CALCOCO1: variants seen among roughly 807,000 people sequenced by gnomAD.
CALCOCO1 encodes calcium-binding and coiled-coil domain-containing protein 1.
Under a neutral mutation model 86.3 loss-of-function variants are expected in CALCOCO1, and 44 were observed. The ratio of observed to expected loss-of-function variants is 0.51; its 90% CI spans 0.40 to 0.66. The LOEUF (loss-of-function observed/expected upper bound fraction) is 0.66. CALCOCO1 is among the 30% of genes least tolerant of loss of function. The pLI, the probability that CALCOCO1 is intolerant of heterozygous loss-of-function variation, is 0.00. For synonymous variants in CALCOCO1, 297 were observed against 327.6 expected, an observed-to-expected ratio of 0.91 and a Z score of 1.01; for missense variants, 708 against 851.1, an observed-to-expected ratio of 0.83 and a Z score of 2.09.
In CALCOCO1 at chr12:53,715,602, G is replaced by C. The variant is rs1329757387; in HGVS notation, c.1260+191C>G. 5 of 792,502 alleles carry C rather than the reference G, an allele frequency of 6.3e-6. No homozygotes were observed. The African/African-American group carries it at 8.7e-5, about 14-fold the overall frequency. 49.1% of individuals were successfully genotyped at this position (792,502 alleles called of 1,614,324 possible). The stretch of plus-strand genomic sequence containing the variant: ...GGAAGGTACTCTGGTGATCAGGATT[G>C]GGATACCCCGGTTAGGGATGGGTCA... On this transcript the variant is annotated intron_variant, in intron 9 of 14. Coordinates refer to ENST00000550804, the MANE Select transcript of CALCOCO1 (RefSeq NM_020898.3).
At position 53,715,778 on chromosome 12, in the gene CALCOCO1, C is replaced by T. The variant is rs369753402; in HGVS notation, c.1260+15G>A. On this transcript the variant is annotated intron_variant, in intron 9 of 14. Coordinates refer to ENST00000550804, the MANE Select transcript of CALCOCO1 (RefSeq NM_020898.3). Reference sequence around the variant, plus strand: ...CAGTGGCCATCAGATTGCCAGGTACCCCCCATCCCTCTACCTCCACACTCT... The same window carrying T: ...CAGTGGCCATCAGATTGCCAGGTACTCCCCATCCCTCTACCTCCACACTCT... 5.0e-6 allele frequency: 8 copies of T among 1,608,780 alleles called. No individual in the cohort carries two copies. The highest frequency in any genetic ancestry group is 1.3e-5 in the African/African-American group (1 of 74,874).
At chr12:53,714,090 G>A (rs773566620) in intron 12 of CALCOCO1, 43 bp downstream of exon 12, 62 of 1,488,738 alleles carry the variant, frequency 4.2e-5, no homozygotes, top group Non-Finnish European at 5.8e-5. Context: ...ACAGCGGGAG[G>A]TAGAGTGGGG....
In CALCOCO1 at chr12:53,724,759, C is replaced by A; in HGVS notation, c.157-12G>T. On this transcript the variant is annotated splice_polypyrimidine_tract_variant and intron_variant, in intron 2 of 14. Transcript: ENST00000550804. ...CAGGCAGCCTCCACCTGTGAAAGCC[C>A]AAGGTTGGAGAAAGGTATGGTCATG... 1.2e-6 allele frequency: 2 copies of A among 1,603,984 alleles called. No individual in the cohort carries two copies. The highest frequency in any genetic ancestry group is 2.2e-5 in the East Asian group (1 of 44,672).
Position 53,716,489 on chromosome 12 carries a change from G to A in CALCOCO1, c.850-74C>T, listed in dbSNP as rs1387680871. On this transcript the variant is annotated intron_variant, in intron 7 of 14. Coordinates refer to ENST00000550804, the MANE Select transcript of CALCOCO1 (RefSeq NM_020898.3). ...GGCTCGGGAGGTGAACCATTGTGAT[G>A]AGAGAGGTCAAGGTTCCACTTCTCA... 6 of 1,499,948 alleles carry A rather than the reference G, an allele frequency of 4.0e-6. No individual in the cohort carries two copies. In the African/African-American group the frequency reaches 6.9e-5, roughly 17 times the overall value. The allele number at this position is 1,499,948 out of a possible 1,614,324, so 92.9% of individuals were successfully genotyped here. A position where few individuals can be genotyped will look rare whatever the true frequency, so the allele number is the denominator to read the frequency against.
rs1593072119 is a variant in CALCOCO1 at position 53,711,127 on chromosome 12, T to C, written c.*817A>G. ...TTTGTGACAACAGTCATACATATCA[T>C]ATAAATATATTTGTTCAAACTACAA... On this transcript the variant is annotated 3_prime_UTR_variant, in exon 15 of 15. Transcript: ENST00000550804. 2.5e-6 allele frequency: 1 copy of C among 397,040 alleles called. No homozygotes were observed. The highest frequency in any genetic ancestry group is 2.1e-5 in the African/African-American group (1 of 48,564). The allele number at this position is 397,040 out of a possible 1,614,324, so 24.6% of individuals were successfully genotyped here.
At position 53,724,727 on chromosome 12, in the gene CALCOCO1, C is replaced by T; in HGVS notation, c.177G>A (p.Arg59=). 15 of 1,613,226 alleles carry T rather than the reference C, an allele frequency of 9.3e-6. No homozygotes were observed. Among genetic ancestry groups the T allele is most frequent in the Non-Finnish European group, 1.3e-5 (15 of 1,179,646 alleles). ...GIFKVEAACV[R]DYHTFVWSSV... ...AAGACCACACAAATGTGTGGTAATC[C>T]CGAACACAGGCAGCCTCCACCTGTG... The change falls in exon 3 of 15, where the codon CGG becomes CGA. Residue 59 remains arginine, a synonymous_variant. Transcript: ENST00000550804.
chr12:53,715,484 TGAA>T (rs1237295399), intron 9 of CALCOCO1, among the ~76,000 whole-genome samples, 159 bp from the exon 10 acceptor site: 3 of 152,272 alleles, frequency 2.0e-5, no homozygotes, highest in South Asian at 4.1e-4. Flanking sequence ...ACCCTCTGAA[TGAA>T]GGACAGGACA....
chr12:53,726,558 C>G (rs1946039236), intron 1 of CALCOCO1, among the ~76,000 whole-genome samples: 1 of 152,128 alleles, frequency 6.6e-6, no homozygotes. Flanking sequence ...TGTCACTAGT[C>G]ATATGCACGC....
At chr12:53,727,208 AC>A (rs1946062995) in intron 1 of CALCOCO1, among the ~76,000 whole-genome samples, 195 bp downstream of exon 1, 2 of 151,922 alleles carry the variant, frequency 1.3e-5, no homozygotes, top group African/African-American at 4.8e-5. Flanking sequence ...GGCGCCCCCC[AC>A]CCCCAATCAG....
At chr12:53,722,289 C>A in intron 4 of CALCOCO1, 106 bp from the exon 5 acceptor site, 1 of 1,317,732 alleles carries the variant, frequency 7.6e-7, no homozygotes. Context: ...AGTTACATAG[C>A]TTTGGGTTAT....
At chr12:53,715,585 C>T in intron 9 of CALCOCO1, 1 of 757,888 alleles carries the variant, frequency 1.3e-6, no homozygotes. Flanking sequence ...AAGGAAGGTA[C>T]TCTGGTGATC....
At position 53,709,168 on chromosome 12, in the gene CALCOCO1, C is replaced by T. The variant is rs1945507759; in HGVS notation, c.*2776G>A. On this transcript the variant is annotated 3_prime_UTR_variant, in exon 15 of 15. Coordinates refer to ENST00000550804, the MANE Select transcript of CALCOCO1 (RefSeq NM_020898.3). ...GCCCATTCAGATCTATCGGCTTTTG[C>T]ATGGATGCTGGGGAGCAGGGAGGAA... 6.6e-6 allele frequency: 1 copy of T among 152,194 alleles called. No individual in the cohort carries two copies. Among genetic ancestry groups the T allele is most frequent in the African/African-American group, 2.4e-5 (1 of 41,424 alleles). 9.4% of individuals were successfully genotyped at this position (152,194 alleles called of 1,614,324 possible).
At chr12:53,725,021 A>C in intron 2 of CALCOCO1, 66 bp downstream of exon 2, 1 of 1,475,236 alleles carries the variant, frequency 6.8e-7, no homozygotes, top group African/African-American at 1.4e-5. Context: ...CAAGAGCCCA[A>C]TCATTCCCCT....
chr12:53,724,945 A>G, intron 2 of CALCOCO1, 142 bp downstream of exon 2: 3 of 977,860 alleles, frequency 3.1e-6, no homozygotes. Flanking sequence ...CTTTGGTTAT[A>G]CAGGCGGCCT....
At position 53,723,796 on chromosome 12, in the gene CALCOCO1, G is replaced by A. The variant is rs1423100781; in HGVS notation, c.260-13C>T. ...GGCAGGTAGCTGGCTGTGGGAAGAA[G>A]AATGGACCCAGGACCCCAATAATCC... On this transcript the variant is annotated splice_polypyrimidine_tract_variant and intron_variant, in intron 3 of 14. Coordinates refer to ENST00000550804, the MANE Select transcript of CALCOCO1 (RefSeq NM_020898.3). The A allele has an allele frequency of 3.1e-6, 5 of 1,610,040 alleles. No individual in the cohort carries two copies. The highest frequency in any genetic ancestry group is 2.2e-5 in the East Asian group (1 of 44,784).
rs1233339407 is a variant in CALCOCO1, at chr12:53,715,941, G to T, written c.1112C>A (p.Ala371Glu). 1 of 1,614,082 alleles carries T rather than the reference G, an allele frequency of 6.2e-7. No homozygotes were observed. Residue 371 changes from alanine to glutamate, a missense_variant, in exon 9 of 15, where the codon GCA becomes GAA. Coordinates refer to ENST00000550804, the MANE Select transcript of CALCOCO1 (RefSeq NM_020898.3). ...LLGEELASAA[A>E]ARDRTIAELH... Reference sequence around the variant, plus strand: ...TTCGGCTATGGTGCGGTCCCTGGCTGCTGCTGCACTGGCCAACTCCTCCCC... The same window carrying T: ...TTCGGCTATGGTGCGGTCCCTGGCTTCTGCTGCACTGGCCAACTCCTCCCC...
At chr12:53,721,814 T>A (rs1476018622) in intron 5 of CALCOCO1, 199 bp from the exon 6 acceptor site, 18 of 799,440 alleles carry the variant, frequency 2.3e-5, no homozygotes, top group Non-Finnish European at 3.4e-5. Context: ...AGCATTCCTA[T>A]GTTCAAAGAA....
chr12:53,722,029 T>A lies in CALCOCO1; in HGVS notation c.605A>T (p.Tyr202Phe). ...RQEHTELMEQYKGISRSHGEI... is the reference protein window; with the variant it reads ...RQEHTELMEQFKGISRSHGEI... ...CCTACCTGGCCCAGCTCCCACCTTG[T>A]ACTGTTCCATCAGCTCCGTGTGCTC... The change falls in exon 5 of 15, where the codon TAC becomes TTC. Residue 202 changes from tyrosine to phenylalanine, a missense_variant. By Grantham distance (22) the Tyr-to-Phe change is conservative. Transcript: ENST00000550804. The A allele has an allele frequency of 6.2e-7, 1 of 1,612,990 alleles. No individual in the cohort carries two copies. Among genetic ancestry groups the A allele is most frequent in the Non-Finnish European group, 8.5e-7 (1 of 1,180,032 alleles).
rs1430946341 is a variant in CALCOCO1, at chr12:53,709,231, G to C, written c.*2713C>G. 6.6e-6 allele frequency: 1 copy of C among 152,242 alleles called. No homozygotes were observed. Among genetic ancestry groups the C allele is most frequent in the Non-Finnish European group, 1.5e-5 (1 of 68,068 alleles). The allele number at this position is 152,242 out of a possible 1,614,324, so 9.4% of individuals were successfully genotyped here. A position where few individuals can be genotyped will look rare whatever the true frequency, so the allele number is the denominator to read the frequency against. On this transcript the variant is annotated 3_prime_UTR_variant, in exon 15 of 15. Coordinates refer to ENST00000550804, the MANE Select transcript of CALCOCO1 (RefSeq NM_020898.3). ...TTATAGAAGAGAAATAAGTAGAAAG[G>C]CTGAGTTGCCAAATACCCCTCAGTG...
Sources: allele counts gnomAD v4.1 joint callset (sites outside exome capture counted in the v4.1 genomes callset), GRCh38; gene constraint gnomAD v4.1.1; transcripts MANE v1.5; gene names NCBI Gene and HGNC (gene_info 2026-07-23, HGNC 2026-07-21).